Variants in IL1RAPL1 observed in about 807,000 individuals in gnomAD.
The protein encoded by IL1RAPL1 is interleukin-1 receptor accessory protein-like 1.
In IL1RAPL1, 3 loss-of-function variants were observed where a neutral mutation model predicts 48.4. That is an observed-to-expected ratio of 0.06 (90% CI 0.03 to 0.16). The LOEUF (loss-of-function observed/expected upper bound fraction) is 0.16. IL1RAPL1 is among the 10% of genes least tolerant of loss of function. The pLI is 1.00. For synonymous variants in IL1RAPL1, 185 were observed against 187.7 expected (o/e 0.99, Z 0.12); for missense variants, 349 against 530.6 (o/e 0.66, Z 3.36).
In IL1RAPL1 at chrX:29,871,192, T is replaced by G. The variant is rs192320056; in HGVS notation, c.779-46272T>G. Among the ~76,000 whole-genome samples, 10 of 112,126 alleles carry G rather than the reference T, an allele frequency of 8.9e-5. No individual in the cohort carries two copies. In the East Asian group the frequency reaches 2.8e-3, roughly 32 times the overall value. On this transcript the variant is annotated intron_variant, in intron 6 of 10. Coordinates refer to ENST00000378993, the MANE Select transcript of IL1RAPL1 (RefSeq NM_014271.4). ...ATCTCTGATCACAGCGGGACAGATT[T>G]TCTGCTTTAAAGGACCAATGTGATT...
chrX:28,903,501 G>A (rs776278344), intron 2 of IL1RAPL1, among the ~76,000 whole-genome samples: 9 of 107,994 alleles, frequency 8.3e-5, no homozygotes, highest in South Asian at 8.1e-4. Context: ...GATACAAGCC[G>A]GGTGTCATTG....
At chrX:29,830,642 G>A (rs1476626716) in intron 6 of IL1RAPL1, among the ~76,000 whole-genome samples, 2 of 110,105 alleles carry the variant, frequency 1.8e-5, no homozygotes, top group Non-Finnish European at 3.8e-5. Context: ...TAGTACAGAC[G>A]GGGTTTCACC....
chrX:28,589,286 C>T (rs1245627901), intron 1 of IL1RAPL1, among the ~76,000 whole-genome samples: 1 of 111,145 alleles, frequency 9.0e-6, no homozygotes, highest in African/African-American at 3.3e-5. Flanking sequence ...TTTCAGTCAA[C>T]GATAGTGAGA....
At chrX:28,740,322 G>T (rs1386313898) in intron 1 of IL1RAPL1, among the ~76,000 whole-genome samples, 1 of 111,781 alleles carries the variant, frequency 8.9e-6, no homozygotes, top group Non-Finnish European at 1.9e-5. Flanking sequence ...GAATGAGGAA[G>T]GACAATGAGC....
chrX:28,819,983 T>C (rs867558716), intron 2 of IL1RAPL1, among the ~76,000 whole-genome samples: 1 of 69,536 alleles, frequency 1.4e-5, no homozygotes, highest in Non-Finnish European at 2.6e-5. Context: ...TATATATATA[T>C]ATATATATAT....
In IL1RAPL1 at chrX:28,756,051, C is replaced by T. The variant is rs759434517; in HGVS notation, c.-24-33269C>T. The stretch of plus-strand genomic sequence containing the variant: ...ACACCCTGCTTCAGTATTTTCTATA[C>T]AGCTTATTTATTTCTTCCTCTATTT... On this transcript the variant is annotated intron_variant, in intron 1 of 10. Coordinates refer to ENST00000378993, the MANE Select transcript of IL1RAPL1 (RefSeq NM_014271.4). 2.7e-5 allele frequency among the ~76,000 whole-genome samples: 3 copies of T among 111,740 alleles called. No individual in the cohort carries two copies. The East Asian group carries it at 8.4e-4, about 31-fold the overall frequency.
At chrX:28,931,775 C>T (rs1482839182) in intron 2 of IL1RAPL1, among the ~76,000 whole-genome samples, 1 of 111,295 alleles carries the variant, frequency 9.0e-6, no homozygotes, top group Non-Finnish European at 1.9e-5. Context: ...CGGTGGCTCA[C>T]GCCTGTAATC....
chrX:29,180,396 G>T (rs1930119959), intron 2 of IL1RAPL1, among the ~76,000 whole-genome samples: 2 of 109,469 alleles, frequency 1.8e-5, no homozygotes, highest in African/African-American at 6.7e-5. Context: ...TATTTTTTGA[G>T]ATGGAGTTTT....
chrX:28,647,205 C>A (rs1934623222), intron 1 of IL1RAPL1, among the ~76,000 whole-genome samples: 2 of 112,117 alleles, frequency 1.8e-5, no homozygotes, highest in Admixed American at 1.9e-4. Flanking sequence ...AAATAAAAAT[C>A]TAGATAACAT....
intron 2 of IL1RAPL1, among the ~76,000 whole-genome samples, chrX:29,259,168 C>G (rs979942628): frequency 9.0e-6 from 1 of 111,687 alleles, no homozygotes; most frequent in Non-Finnish European, 1.9e-5. Flanking sequence ...AAAAACACAG[C>G]TCAAATCCTC....
chrX:29,685,612 A>G (rs1926591989), intron 6 of IL1RAPL1, among the ~76,000 whole-genome samples: 1 of 111,843 alleles, frequency 8.9e-6, no homozygotes, highest in Admixed American at 9.5e-5. Context: ...AATTTTTCCT[A>G]AAGGCTGACA....
At chrX:28,873,826 T>C (rs183037274) in intron 2 of IL1RAPL1, among the ~76,000 whole-genome samples, 259 of 110,299 alleles carry the variant, frequency 2.3e-3, no homozygotes, top group African/African-American at 7.5e-3. Context: ...CCACCGCACC[T>C]GGCCTATTGT....
intron 1 of IL1RAPL1, among the ~76,000 whole-genome samples, chrX:28,716,764 TGC>T (rs1377022706): frequency 9.0e-6 from 1 of 111,173 alleles, no homozygotes; most frequent in African/African-American, 3.3e-5. Context: ...TTGCAAACTA[TGC>T]TTCCAACAAA....
At chrX:28,954,929 T>C (rs986703127) in intron 2 of IL1RAPL1, among the ~76,000 whole-genome samples, 1 of 112,011 alleles carries the variant, frequency 8.9e-6, no homozygotes, top group Non-Finnish European at 1.9e-5. Flanking sequence ...CCTGAAGATA[T>C]ATGCCCATTG....
intron 2 of IL1RAPL1, among the ~76,000 whole-genome samples, chrX:29,021,511 C>T (rs1926367783): frequency 9.0e-6 from 1 of 111,014 alleles, no homozygotes; most frequent in African/African-American, 3.3e-5. Context: ...AGTAAAAGTT[C>T]CATATGTATT....
intron 5 of IL1RAPL1, among the ~76,000 whole-genome samples, chrX:29,656,134 C>CA (rs1221255927): frequency 3.6e-5 from 4 of 111,455 alleles, no homozygotes; most frequent in African/African-American, 1.3e-4. Context: ...TGACAGTTAC[C>CA]AAAAAAAATG....
intron 5 of IL1RAPL1, among the ~76,000 whole-genome samples, chrX:29,417,788 T>G (rs1934235740): frequency 9.0e-6 from 1 of 110,801 alleles, no homozygotes; most frequent in South Asian, 3.7e-4. Context: ...CTTTAATGAG[T>G]ACTTATTGTT....
At chrX:29,740,269 A>G (rs945150114) in intron 6 of IL1RAPL1, among the ~76,000 whole-genome samples, 1 of 111,385 alleles carries the variant, frequency 9.0e-6, no homozygotes, top group African/African-American at 3.3e-5. Flanking sequence ...ATAATCTCAG[A>G]ACTTAATATT....
At chrX:28,635,902 T>G (rs1791419212) in intron 1 of IL1RAPL1, among the ~76,000 whole-genome samples, 1 of 112,299 alleles carries the variant, frequency 8.9e-6, no homozygotes, top group Admixed American at 9.5e-5. Flanking sequence ...CAAGTTTCCT[T>G]CACAAGTACA....
Sources: allele counts gnomAD v4.1 joint callset (sites outside exome capture counted in the v4.1 genomes callset), GRCh38; gene constraint gnomAD v4.1.1; transcripts MANE v1.5; gene names NCBI Gene and HGNC (gene_info 2026-07-23, HGNC 2026-07-21).